The following DTNA variants were observed in gnomAD, a reference collection of about 807,000 sequenced individuals.
The protein encoded by DTNA is dystrobrevin alpha.
Under a neutral mutation model 100.7 loss-of-function variants are expected in DTNA, and 43 were observed. That is an observed-to-expected ratio of 0.43 (90% CI 0.33 to 0.55). DTNA has a LOEUF of 0.55. DTNA is among the 20% of genes least tolerant of loss of function. The pLI is 0.04. For synonymous variants in DTNA, 349 were observed against 347.9 expected, an observed-to-expected ratio of 1.00 and a Z score of -0.04; for missense variants, 798 against 953.9, an observed-to-expected ratio of 0.84 and a Z score of 2.15.
intron 1 of DTNA, among the ~76,000 whole-genome samples, chr18:34,600,787 T>C (rs945758956): frequency 7.2e-5 from 11 of 152,236 alleles, no homozygotes; most frequent in Admixed American, 2.6e-4. Context: ...ATGGGTGGTT[T>C]CCTCAGGTAA....
Position 34,583,301 on chromosome 18 carries a change from A to G in DTNA, c.-2+89787A>G, listed in dbSNP as rs553365703. Among the ~76,000 whole-genome samples, 1,030 of 152,274 alleles carry G rather than the reference A, an allele frequency of 6.8e-3. 10 individuals are homozygous for G. Among genetic ancestry groups the G allele is most frequent in the African/African-American group, 0.023 (976 of 41,538 alleles). ...TTTAGCATTGGGTGTACTTGTGGAG[A>G]AAAATGAAATATCATGTTGCCCCCG... On this transcript the variant is annotated intron_variant, in intron 1 of 19. Coordinates refer to the DTNA transcript ENST00000283365.
intron 3 of DTNA, among the ~76,000 whole-genome samples, chr18:34,770,117 C>A (rs949813950): frequency 6.6e-6 from 1 of 152,110 alleles, no homozygotes; most frequent in Non-Finnish European, 1.5e-5. Flanking sequence ...AATACCATCG[C>A]ATTAAGGGAT....
chr18:34,838,679 C>A, intron 12 of DTNA, 66 bp from the exon 13 acceptor site: 2 of 1,389,836 alleles, frequency 1.4e-6, no homozygotes, highest in Non-Finnish European at 2.0e-6. Context: ...CTCACTCCTA[C>A]CTCCTCTACT....
chr18:34,535,885 T>C (rs2043656697), intron 1 of DTNA, among the ~76,000 whole-genome samples: 1 of 152,070 alleles, frequency 6.6e-6, no homozygotes, highest in Non-Finnish European at 1.5e-5. Flanking sequence ...ATGAATGTGT[T>C]CTCATGATAA....
intron 1 of DTNA, among the ~76,000 whole-genome samples, chr18:34,514,935 G>A (rs1234671462): frequency 6.6e-6 from 1 of 152,028 alleles, no homozygotes; most frequent in Non-Finnish European, 1.5e-5. Context: ...AGCAAGATGT[G>A]TGTTTTAATA....
intron 1 of DTNA, among the ~76,000 whole-genome samples, chr18:34,686,521 G>A (rs1331558307): frequency 6.6e-6 from 1 of 152,150 alleles, no homozygotes; most frequent in Non-Finnish European, 1.5e-5. Flanking sequence ...TTTTTGATAT[G>A]CTGCTGGATT....
At chr18:34,818,373 T>A (rs746348589) in intron 8 of DTNA, 43 bp downstream of exon 8, 17 of 1,605,602 alleles carry the variant, frequency 1.1e-5, no homozygotes, top group African/African-American at 2.7e-5. Flanking sequence ...GATGTGTGAG[T>A]GTTGCCCAGA....
intron 9 of DTNA, 86 bp downstream of exon 9, chr18:34,821,001 G>A (rs2095702028): frequency 1.3e-6 from 2 of 1,581,452 alleles, no homozygotes; most frequent in South Asian, 2.2e-5. Context: ...TCCTATCAGT[G>A]GTCAGCAACC....
intron 1 of DTNA, among the ~76,000 whole-genome samples, chr18:34,643,501 C>G (rs1472024741): frequency 6.6e-6 from 1 of 152,166 alleles, no homozygotes; most frequent in African/African-American, 2.4e-5. Context: ...TCTGATTTTA[C>G]CTTCAATTCC....
At chr18:34,702,731 T>C (rs540639344) in intron 1 of DTNA, among the ~76,000 whole-genome samples, 1 of 152,314 alleles carries the variant, frequency 6.6e-6, no homozygotes, top group African/African-American at 2.4e-5. Context: ...AATTTCTTTT[T>C]CCTCCACCTC....
Position 34,887,933 on chromosome 18 carries a change from C to G in DTNA, c.*199C>G. Reference sequence around the variant, plus strand: ...AGACCCCCACCCCTAAAGATGTGTCCTGATGACTATAGTGCAGCTAACTTT... The same window carrying G: ...AGACCCCCACCCCTAAAGATGTGTCGTGATGACTATAGTGCAGCTAACTTT... On this transcript the variant is annotated 3_prime_UTR_variant, in exon 23 of 23. Coordinates refer to ENST00000444659, the MANE Select transcript of DTNA (RefSeq NM_001386795.1). The G allele has an allele frequency of 1.0e-6, 1 of 986,408 alleles. No individual in the cohort carries two copies. Among genetic ancestry groups the G allele is most frequent in the South Asian group, 4.7e-5 (1 of 21,284 alleles). The allele number at this position is 986,408 out of a possible 1,614,324, so 61.1% of individuals were successfully genotyped here.
intron 1 of DTNA, among the ~76,000 whole-genome samples, chr18:34,584,495 C>T (rs986701866): frequency 6.6e-6 from 1 of 151,462 alleles, no homozygotes; most frequent in Non-Finnish European, 1.5e-5. Flanking sequence ...AAATGTTAGG[C>T]GAAATAATAT....
At chr18:34,868,905 A>C (rs1568855441) in intron 17 of DTNA, 1 of 460,176 alleles carries the variant, frequency 2.2e-6, no homozygotes, top group Non-Finnish European at 2.9e-6. Flanking sequence ...TTAATAATGA[A>C]GGCAGCTGGG....
At chr18:34,672,245 T>C (rs1415675483) in intron 1 of DTNA, among the ~76,000 whole-genome samples, 1 of 152,170 alleles carries the variant, frequency 6.6e-6, no homozygotes, top group Non-Finnish European at 1.5e-5. Flanking sequence ...AGTTTCATAT[T>C]GCCCTACTTA....
At chr18:34,571,364 C>T (rs1034635100) in intron 1 of DTNA, among the ~76,000 whole-genome samples, 3 of 152,192 alleles carry the variant, frequency 2.0e-5, no homozygotes, top group Non-Finnish European at 2.9e-5. Context: ...TGCCAACTCT[C>T]ATACTGTGTG....
Position 34,806,300 on chromosome 18 carries a change from A to T in DTNA, c.444A>T (p.Leu148Phe). 1 of 1,613,718 alleles carries T rather than the reference A, an allele frequency of 6.2e-7. No homozygotes were observed. Among genetic ancestry groups the T allele is most frequent in the East Asian group, 2.2e-5 (1 of 44,846 alleles). ...GTGGAGGGAAGATCATGGACAAATTAAGATGTAAGTTATTATTCCTTGTGT... is the reference window on the plus strand; with the variant it reads ...GTGGAGGGAAGATCATGGACAAATTTAGATGTAAGTTATTATTCCTTGTGT... ...TLCGGKIMDK[L>F]RYIFSMISDS... The change falls in exon 5 of 23, where the codon TTA becomes TTT. Residue 148 changes from leucine to phenylalanine, a missense_variant. By Grantham distance (22) the Leu-to-Phe change is conservative (BLOSUM62 0). Transcript: ENST00000444659.
intron 13 of DTNA, among the ~76,000 whole-genome samples, chr18:34,843,177 A>G (rs2096303840): frequency 6.6e-6 from 1 of 152,176 alleles, no homozygotes; most frequent in Non-Finnish European, 1.5e-5. Context: ...ATAGAGTAGC[A>G]CTTAAATTGA....
At chr18:34,545,824 A>G (rs931555215) in intron 1 of DTNA, among the ~76,000 whole-genome samples, 7 of 152,168 alleles carry the variant, frequency 4.6e-5, no homozygotes, top group Non-Finnish European at 7.4e-5. Context: ...TTTTCAGGTA[A>G]GAGAAAATTA....
chr18:34,828,989 T>C, intron 10 of DTNA: 1 of 1,599,798 alleles, frequency 6.3e-7, no homozygotes, highest in Non-Finnish European at 8.6e-7. Context: ...TCTGCAAATA[T>C]CAAGCAGAGG....
Sources: allele counts gnomAD v4.1 joint callset (sites outside exome capture counted in the v4.1 genomes callset), GRCh38; gene constraint gnomAD v4.1.1; transcripts MANE v1.5; gene names NCBI Gene and HGNC (gene_info 2026-07-23, HGNC 2026-07-21).